The following ROBO1 variants were observed in gnomAD, a reference collection of about 807,000 sequenced individuals.
ROBO1 encodes roundabout homolog 1.
In ROBO1, 149 loss-of-function variants were observed where a neutral mutation model predicts 195.9. That is an observed-to-expected ratio of 0.76 (90% CI 0.67 to 0.87). The LOEUF (loss-of-function observed/expected upper bound fraction) is 0.87. Among genes scored for constraint, ROBO1 ranks in the 40% least tolerant of loss-of-function variants. The pLI is 0.00. For synonymous variants in ROBO1, 816 were observed against 733.2 expected, an observed-to-expected ratio of 1.11 and a Z score of -1.82; for missense variants, 1,933 against 2,068.3, an observed-to-expected ratio of 0.93 and a Z score of 1.27.
intron 3 of ROBO1, among the ~76,000 whole-genome samples, chr3:79,085,514 A>AT (rs1045344685): frequency 8.7e-4 from 132 of 152,094 alleles, no homozygotes; most frequent in African/African-American, 3.0e-3. Context: ...ATGAGAAAAC[A>AT]TTTTTCTTCT....
intron 3 of ROBO1, among the ~76,000 whole-genome samples, chr3:79,054,893 C>A (rs1230102272): frequency 8.5e-5 from 13 of 152,126 alleles, no homozygotes; most frequent in Non-Finnish European, 1.9e-4. Context: ...CAGGCGGTCC[C>A]AACGCAGCCT....
At chr3:78,892,285 T>C (rs776946088) in intron 4 of ROBO1, among the ~76,000 whole-genome samples, 3 of 152,196 alleles carry the variant, frequency 2.0e-5, no homozygotes, top group Non-Finnish European at 2.9e-5. Flanking sequence ...TGCATCCTCC[T>C]TGTGAGAATC....
chr3:79,527,751 G>A (rs78042070), intron 2 of ROBO1: 4 of 42,346 alleles, frequency 9.4e-5, no homozygotes, highest in African/African-American at 8.0e-4. Flanking sequence ...AGAGAACCAT[G>A]TGACATGGAC....
intron 4 of ROBO1, among the ~76,000 whole-genome samples, chr3:78,870,759 T>C (rs1488346987): frequency 6.6e-6 from 1 of 152,118 alleles, no homozygotes; most frequent in Non-Finnish European, 1.5e-5. Context: ...GCTTTTGAGG[T>C]AATTTCAAAA....
chr3:79,055,508 A>G (rs1255822778), intron 3 of ROBO1, among the ~76,000 whole-genome samples: 3 of 152,134 alleles, frequency 2.0e-5, no homozygotes, highest in African/African-American at 7.2e-5. Context: ...GAAGTTTACC[A>G]GAGCACATTT....
chr3:79,276,152 C>A (rs1215855068), intron 2 of ROBO1, among the ~76,000 whole-genome samples: 2 of 151,940 alleles, frequency 1.3e-5, no homozygotes, highest in Non-Finnish European at 2.9e-5. Context: ...CACAAAAGAA[C>A]CAGAATAGCC....
At chr3:78,693,850 A>G (rs2107877151) in intron 8 of ROBO1, among the ~76,000 whole-genome samples, 1 of 152,312 alleles carries the variant, frequency 6.6e-6, no homozygotes, top group South Asian at 2.1e-4. Context: ...ACTGAAATCC[A>G]TGCTTCTCAT....
At chr3:79,575,097 CAAAT>C (rs1943407986) in intron 2 of ROBO1, among the ~76,000 whole-genome samples, 1 of 127,458 alleles carries the variant, frequency 7.8e-6, no homozygotes, top group African/African-American at 3.0e-5. Flanking sequence ...GAAATGAAAA[CAAAT>C]ATATATATAT....
At chr3:78,972,284 A>G (rs1648580634) in intron 3 of ROBO1, among the ~76,000 whole-genome samples, 1 of 152,194 alleles carries the variant, frequency 6.6e-6, no homozygotes, top group Admixed American at 6.5e-5. Flanking sequence ...GGTCTATTAA[A>G]CAAACAGGAC....
At chr3:79,033,192 T>C (rs916019477) in intron 3 of ROBO1, among the ~76,000 whole-genome samples, 1 of 152,116 alleles carries the variant, frequency 6.6e-6, no homozygotes, top group Non-Finnish European at 1.5e-5. Flanking sequence ...AGTCTCATAA[T>C]TGTCCAGGAA....
intron 1 of ROBO1, 62 bp from the exon 2 acceptor site, chr3:79,590,023 G>T: frequency 1.5e-6 from 1 of 677,440 alleles, no homozygotes; most frequent in Non-Finnish European, 2.5e-6. Flanking sequence ...CAATTATTTT[G>T]TGAAACATTG....
chr3:78,985,174 C>T (rs575170033), intron 3 of ROBO1, among the ~76,000 whole-genome samples: 1 of 152,066 alleles, frequency 6.6e-6, no homozygotes, highest in East Asian at 1.9e-4. Flanking sequence ...GTGGTGCATG[C>T]CTGAAGTCCT....
chr3:78,919,045 A>C (rs2038792046), intron 4 of ROBO1, among the ~76,000 whole-genome samples: 1 of 152,214 alleles, frequency 6.6e-6, no homozygotes, highest in South Asian at 2.1e-4. Context: ...TCAATGACAT[A>C]TCGACAATAT....
intron 2 of ROBO1, among the ~76,000 whole-genome samples, chr3:79,420,128 T>C (rs915569578): frequency 3.9e-5 from 6 of 152,186 alleles, no homozygotes; most frequent in Admixed American, 3.9e-4. Flanking sequence ...AGTATCATTA[T>C]ATTCCTACCT....
intron 14 of ROBO1, among the ~76,000 whole-genome samples, chr3:78,663,569 C>G (rs1022135935): frequency 1.3e-5 from 2 of 152,070 alleles, no homozygotes; most frequent in African/African-American, 4.8e-5. Context: ...GGGTTTGCAC[C>G]CCACCTCGGC....
At chr3:78,661,883 TAA>T in intron 15 of ROBO1, 108 bp downstream of exon 15, 1 of 1,263,040 alleles carries the variant, frequency 7.9e-7, no homozygotes, top group Non-Finnish European at 1.1e-6. Context: ...GCTTACACTA[TAA>T]AGTTATCATT....
At chr3:79,054,896 C>T (rs1261224064) in intron 3 of ROBO1, among the ~76,000 whole-genome samples, 3 of 152,124 alleles carry the variant, frequency 2.0e-5, no homozygotes, top group South Asian at 2.1e-4. Context: ...GCGGTCCCAA[C>T]GCAGCCTCCA....
chr3:79,695,424 AT>A (rs1445379056), intron 1 of ROBO1, among the ~76,000 whole-genome samples: 1 of 151,522 alleles, frequency 6.6e-6, no homozygotes, highest in Non-Finnish European at 1.5e-5. Flanking sequence ...TTTACTTTGA[AT>A]TTTGATTTAA....
intron 1 of ROBO1, among the ~76,000 whole-genome samples, chr3:79,652,747 A>T (rs1946048791): frequency 6.6e-6 from 1 of 152,058 alleles, no homozygotes; most frequent in African/African-American, 2.4e-5. Context: ...TTGTTTTAAT[A>T]ATAATGAGAT....
Sources: allele counts gnomAD v4.1 joint callset (sites outside exome capture counted in the v4.1 genomes callset), GRCh38; gene constraint gnomAD v4.1.1; transcripts MANE v1.5; gene names NCBI Gene and HGNC (gene_info 2026-07-23, HGNC 2026-07-21).